The following ATRNL1 variants were observed in gnomAD, a reference collection of about 807,000 sequenced individuals.
ATRNL1 encodes the protein attractin-like protein 1.
Under a neutral mutation model 182.7 loss-of-function variants are expected in ATRNL1, and 95 were observed. The ratio of observed to expected loss-of-function variants is 0.52; its 90% confidence interval spans 0.44 to 0.62. The LOEUF is 0.62. Among genes scored for constraint, ATRNL1 ranks in the 20% least tolerant of loss-of-function variants. ATRNL1 has a pLI of 0.00. For missense variants in ATRNL1, 1,471 were observed against 1,679.5 expected, an observed-to-expected ratio of 0.88 and a Z score of 2.17; for synonymous variants, 576 against 568.3, an observed-to-expected ratio of 1.01 and a Z score of -0.19.
chr10:115,253,302 A>C (rs1850961233), intron 10 of ATRNL1, among the ~76,000 whole-genome samples: 1 of 152,168 alleles, frequency 6.6e-6, no homozygotes, highest in African/African-American at 2.4e-5. Flanking sequence ...TTGGGCTGGA[A>C]TGGCCAGGCC....
chr10:115,449,363 C>T (rs1847171171), intron 21 of ATRNL1, among the ~76,000 whole-genome samples: 1 of 152,132 alleles, frequency 6.6e-6, no homozygotes. Flanking sequence ...AGACCACCTT[C>T]TCACCTCATA....
chr10:115,118,505 T>C (rs1490019215), intron 1 of ATRNL1, among the ~76,000 whole-genome samples: 1 of 152,136 alleles, frequency 6.6e-6, no homozygotes, highest in Non-Finnish European at 1.5e-5. Flanking sequence ...GGGAGTTTTC[T>C]GCTGCTCAGA....
intron 27 of ATRNL1, among the ~76,000 whole-genome samples, chr10:115,736,398 T>C (rs1947951845): frequency 6.6e-6 from 1 of 152,102 alleles, no homozygotes; most frequent in Non-Finnish European, 1.5e-5. Context: ...TTCTATTTGG[T>C]TCTTTTTTTA....
At chr10:115,806,960 A>T (rs918830135) in intron 27 of ATRNL1, among the ~76,000 whole-genome samples, 1 of 152,172 alleles carries the variant, frequency 6.6e-6, no homozygotes, top group South Asian at 2.1e-4. Flanking sequence ...TACTTTAGCT[A>T]TCCCTTTCTG....
chr10:115,353,661 T>C (rs1347137761), intron 19 of ATRNL1, among the ~76,000 whole-genome samples: 1 of 152,182 alleles, frequency 6.6e-6, no homozygotes, highest in Non-Finnish European at 1.5e-5. Context: ...CTCTCTTCCT[T>C]TTTAGATTAG....
At chr10:115,583,183 G>T (rs1396520974) in intron 26 of ATRNL1, among the ~76,000 whole-genome samples, 1 of 148,872 alleles carries the variant, frequency 6.7e-6, no homozygotes, top group Non-Finnish European at 1.5e-5. Context: ...GTAGTGTGAT[G>T]CCTCCAGCTT....
intron 24 of ATRNL1, among the ~76,000 whole-genome samples, chr10:115,481,521 C>A (rs1021064099): frequency 1.3e-5 from 2 of 150,600 alleles, no homozygotes; most frequent in African/African-American, 4.8e-5. Context: ...TATAAATGAA[C>A]AAAATAACTT....
At position 115,827,871 on chromosome 10, in the gene ATRNL1, G is replaced by T. The variant is rs1950472292; in HGVS notation, c.3904-20006G>T. 2.0e-5 allele frequency among the ~76,000 whole-genome samples: 3 copies of T among 152,142 alleles called. No homozygotes were observed. In the South Asian group the frequency reaches 6.2e-4, roughly 32 times the overall value. On this transcript the variant is annotated intron_variant, in intron 27 of 28. Coordinates refer to ENST00000355044, the MANE Select transcript of ATRNL1 (RefSeq NM_207303.4). ...TCATGGCTAAAGAATGTTTCCGTGG[G>T]GCTGTCTCTGAAGGCAGTACCCCAG... is the stretch of plus-strand genomic sequence containing the variant.
intron 25 of ATRNL1, among the ~76,000 whole-genome samples, chr10:115,521,811 C>A (rs1017612283): frequency 6.6e-6 from 1 of 152,050 alleles, no homozygotes; most frequent in Non-Finnish European, 1.5e-5. Flanking sequence ...AAAACTGGGT[C>A]ATTGTTAAGA....
Position 115,150,624 on chromosome 10 carries a change from A to G in ATRNL1, c.830-9416A>G, listed in dbSNP as rs528346964. On this transcript the variant is annotated intron_variant, in intron 5 of 28. Coordinates refer to ENST00000355044, the MANE Select transcript of ATRNL1 (RefSeq NM_207303.4). ...TTTAGGAACATGTTTTTAAATTTGC[A>G]TGTATTTGTACAGTTTCCAAAGTTC... is the stretch of plus-strand genomic sequence containing the variant. Among the ~76,000 whole-genome samples the G allele has an allele frequency of 3.9e-5, 6 of 152,078 alleles. No homozygotes were observed. In the South Asian group the frequency reaches 6.2e-4, roughly 16 times the overall value.
At chr10:115,253,629 A>G (rs1477505452) in intron 10 of ATRNL1, among the ~76,000 whole-genome samples, 1 of 152,064 alleles carries the variant, frequency 6.6e-6, no homozygotes, top group Admixed American at 6.5e-5. Flanking sequence ...TTTAAGTTCT[A>G]GGGTACATGC....
At chr10:115,206,767 A>G (rs1418857540) in intron 8 of ATRNL1, among the ~76,000 whole-genome samples, 1 of 152,070 alleles carries the variant, frequency 6.6e-6, no homozygotes, top group Non-Finnish European at 1.5e-5. Context: ...TACATGCGCC[A>G]TGTTGGTTTG....
intron 26 of ATRNL1, among the ~76,000 whole-genome samples, chr10:115,620,981 G>A (rs971368553): frequency 6.6e-6 from 1 of 151,178 alleles, no homozygotes; most frequent in East Asian, 1.9e-4. Context: ...TTCATTTTCA[G>A]TTGAGTTAGG....
chr10:115,185,688 G>A (rs1847912256), intron 8 of ATRNL1, among the ~76,000 whole-genome samples: 1 of 151,968 alleles, frequency 6.6e-6, no homozygotes, highest in Non-Finnish European at 1.5e-5. Context: ...ATCTGTGGGG[G>A]TGGGTATGAA....
intron 5 of ATRNL1, among the ~76,000 whole-genome samples, chr10:115,147,453 C>A (rs1332798126): frequency 6.6e-6 from 1 of 152,120 alleles, no homozygotes; most frequent in Non-Finnish European, 1.5e-5. Context: ...CTTTGCTGTG[C>A]AGAAGCTTTT....
At chr10:115,169,134 G>C (rs1211734331) in intron 7 of ATRNL1, among the ~76,000 whole-genome samples, 1 of 149,210 alleles carries the variant, frequency 6.7e-6, no homozygotes, top group African/African-American at 2.5e-5. Context: ...ATTGGCCATA[G>C]ATGTGTGGGT....
intron 19 of ATRNL1, among the ~76,000 whole-genome samples, chr10:115,365,439 C>G (rs1375505844): frequency 3.3e-5 from 5 of 151,824 alleles, no homozygotes; most frequent in Admixed American, 2.0e-4. Context: ...TGCTAGCGGT[C>G]TATGAATTTT....
chr10:115,921,684 C>G lies in ATRNL1; in HGVS notation c.4019-22974C>G, dbSNP rs897854041. On this transcript the variant is annotated intron_variant, in intron 28 of 28. Transcript: ENST00000355044. ...GTGTTGAGAACAAGTAGTAGAGACACCTAAGTATACCCAGTATTAATCCCA... is the reference window on the plus strand; with the variant it reads ...GTGTTGAGAACAAGTAGTAGAGACAGCTAAGTATACCCAGTATTAATCCCA... 5.9e-5 allele frequency among the ~76,000 whole-genome samples: 9 copies of G among 152,280 alleles called. No homozygotes were observed. In the South Asian group the frequency reaches 1.5e-3, roughly 25 times the overall value.
chr10:115,686,827 C>A (rs781875196), intron 26 of ATRNL1, among the ~76,000 whole-genome samples: 1 of 151,992 alleles, frequency 6.6e-6, no homozygotes, highest in Non-Finnish European at 1.5e-5. Context: ...GAGAAGTTAG[C>A]TAAGCACCTT....
Sources: gnomAD v4.1 joint callset for allele counts (sites outside exome capture counted in the v4.1 genomes callset) on GRCh38, gnomAD v4.1.1 for gene constraint, MANE v1.5 for transcripts, NCBI Gene and HGNC (gene_info 2026-07-23, HGNC 2026-07-21) for gene names.